The following SMIM36 variants were observed in gnomAD, a reference collection of about 807,000 sequenced individuals.
SMIM36 encodes small integral membrane protein 36.
rs1395958459 is a variant in SMIM36 at position 55,489,032 on chromosome 17, GT to G, written c.*175-9453del. The stretch of plus-strand genomic sequence containing the variant: ...TCACAACTCTGCGGTAGATACCATG[GT>G]TATTCAACATGTACAATAGGGAAAC... On this transcript the variant is annotated intron_variant, in intron 1 of 4. Coordinates refer to ENST00000636752, the Ensembl canonical transcript of SMIM36. Among the ~76,000 whole-genome samples the G allele has an allele frequency of 2.6e-5, 4 of 152,028 alleles. No homozygotes were observed. In the East Asian group the frequency reaches 7.7e-4, roughly 29 times the overall value.
chr17:55,509,820 G>GA (rs1488690489), intron 1 of SMIM36, among the ~76,000 whole-genome samples: 2 of 152,076 alleles, frequency 1.3e-5, no homozygotes, highest in South Asian at 4.1e-4. Context: ...ATGAACAGGG[G>GA]AAAAAACATA....
the SMIM36 span, among the ~76,000 whole-genome samples, chr17:55,517,148 G>T: frequency 6.6e-6 from 1 of 152,172 alleles, no homozygotes; most frequent in Non-Finnish European, 1.5e-5. Flanking sequence ...TCCAAGAAAG[G>T]TAGCTAACTG....
At chr17:55,511,621 A>G (rs1381176197), upstream of SMIM36, among the ~76,000 whole-genome samples, 3 of 152,208 alleles carry the variant, frequency 2.0e-5, no homozygotes, top group Non-Finnish European at 4.4e-5. Context: ...TTACTGGATC[A>G]TGGTATATAA....
intron 1 of SMIM36, among the ~76,000 whole-genome samples, chr17:55,481,316 A>G (rs1278987897): frequency 6.6e-6 from 1 of 152,240 alleles, no homozygotes; most frequent in African/African-American, 2.4e-5. Flanking sequence ...CAGACAGAAC[A>G]AAAGTGGGCA....
At chr17:55,472,559 C>T (rs973895245) in intron 3 of SMIM36, among the ~76,000 whole-genome samples, 1 of 152,174 alleles carries the variant, frequency 6.6e-6, no homozygotes, top group Non-Finnish European at 1.5e-5. Flanking sequence ...CAGAAACCTA[C>T]TGATCTTATT....
chr17:55,494,175 G>A (rs1909765775), intron 1 of SMIM36, among the ~76,000 whole-genome samples: 1 of 152,092 alleles, frequency 6.6e-6, no homozygotes, highest in Non-Finnish European at 1.5e-5. Context: ...TTCCTGATAT[G>A]TTCATTTGTT....
intron 1 of SMIM36, among the ~76,000 whole-genome samples, chr17:55,484,910 AGAAATATTAGGACCAAATGT>A (rs142530869): frequency 0.08 from 12,119 of 152,278 alleles, 529 homozygotes; most frequent in South Asian, 0.15. Flanking sequence ...AGGAGAGTTA[AGAAATATTAGGACCAAATGT>A]GATGATGGAC....
chr17:55,467,243 T>C (rs1016441697), exon 4 of SMIM36: 3 of 152,154 alleles, frequency 2.0e-5, no homozygotes, highest in Admixed American at 1.3e-4. Context: ...GAAAGAGCAG[T>C]GGGGCTTGTT....
At chr17:55,525,255 C>G in the SMIM36 span, among the ~76,000 whole-genome samples, 1 of 152,208 alleles carries the variant, frequency 6.6e-6, no homozygotes, top group Non-Finnish European at 1.5e-5. Context: ...TTTGGAAAAA[C>G]TGTGTCATCC....
At chr17:55,471,998 G>A (rs1015805699) in intron 3 of SMIM36, among the ~76,000 whole-genome samples, 3 of 152,006 alleles carry the variant, frequency 2.0e-5, no homozygotes, top group South Asian at 2.1e-4. Context: ...TCTGCCCCTC[G>A]ACTCCTCCAG....
At chr17:55,532,068 T>C in the SMIM36 span, among the ~76,000 whole-genome samples, 1 of 152,222 alleles carries the variant, frequency 6.6e-6, no homozygotes, top group Non-Finnish European at 1.5e-5. Flanking sequence ...CTGTGTAATT[T>C]TGTAGAGTTT....
intron 1 of SMIM36, among the ~76,000 whole-genome samples, chr17:55,485,476 A>G (rs1306892173): frequency 6.7e-6 from 1 of 149,350 alleles, no homozygotes. Context: ...TCCTGTACAG[A>G]TGAAGTCTCC....
chr17:55,489,724 T>C (rs1038862291), intron 1 of SMIM36, among the ~76,000 whole-genome samples: 6 of 152,258 alleles, frequency 3.9e-5, no homozygotes, highest in African/African-American at 1.4e-4. Context: ...TATTGGTTCA[T>C]GTGTCTCCCT....
intron 1 of SMIM36, among the ~76,000 whole-genome samples, chr17:55,496,841 A>G (rs1452781075): frequency 3.3e-5 from 5 of 152,204 alleles, no homozygotes; most frequent in Non-Finnish European, 7.3e-5. Context: ...TAAACTCAGG[A>G]CTAAAAGTCA....
chr17:55,501,647 A>T (rs1424768183), intron 1 of SMIM36, among the ~76,000 whole-genome samples: 2 of 143,086 alleles, frequency 1.4e-5, no homozygotes, highest in Non-Finnish European at 3.0e-5. Context: ...GAGAAATTTA[A>T]TATATATTGA....
At chr17:55,469,747 A>G (rs1909308455) in intron 3 of SMIM36, among the ~76,000 whole-genome samples, 1 of 152,198 alleles carries the variant, frequency 6.6e-6, no homozygotes, top group Non-Finnish European at 1.5e-5. Context: ...TGGGAGGCCG[A>G]GGTAGGCGGA....
chr17:55,454,851 A>G (rs1364019524), intron 4 of SMIM36, among the ~76,000 whole-genome samples: 1 of 152,240 alleles, frequency 6.6e-6, no homozygotes, highest in Non-Finnish European at 1.5e-5. Flanking sequence ...GCCAGTGACT[A>G]CTGTTCTACA....
chr17:55,453,230 T>G (rs907968007), intron 4 of SMIM36, among the ~76,000 whole-genome samples: 4 of 152,026 alleles, frequency 2.6e-5, no homozygotes, highest in African/African-American at 9.7e-5. Context: ...GGCGGGAAGA[T>G]GGCTTGAGCC....
At chr17:55,460,342 C>T (rs558508761) in intron 4 of SMIM36, among the ~76,000 whole-genome samples, 2 of 150,848 alleles carry the variant, frequency 1.3e-5, no homozygotes, top group Non-Finnish European at 3.0e-5. Flanking sequence ...GCAGGAGAAT[C>T]GCTTGAATCT....
Sources: gnomAD v4.1 joint callset for allele counts (sites outside exome capture counted in the v4.1 genomes callset) on GRCh38, gnomAD v4.1.1 for gene constraint, MANE v1.5 for transcripts, NCBI Gene and HGNC (gene_info 2026-07-23, HGNC 2026-07-21) for gene names.